The following GNL3 variants were observed in gnomAD, a reference collection of about 807,000 sequenced individuals.
GNL3 encodes guanine nucleotide-binding protein-like 3.
In GNL3, 77 loss-of-function variants were observed where a neutral mutation model predicts 70.6. The ratio of observed to expected loss-of-function variants is 1.09; its 90% CI spans 0.91 to 1.32. The LOEUF (loss-of-function observed/expected upper bound fraction) is 1.32. Ranked by LOEUF, GNL3 falls within the 40% of genes most tolerant of loss-of-function variation. GNL3 has a pLI of 0.00. For missense variants in GNL3, 634 were observed against 644.0 expected (o/e 0.98, Z 0.17); for synonymous variants, 252 against 216.1 (o/e 1.17, Z -1.46).
chr3:52,691,021 T>G lies in GNL3; in HGVS notation c.731T>G (p.Leu244Arg). 6.2e-7 allele frequency: 1 copy of G among 1,613,842 alleles called. No homozygotes were observed. Among genetic ancestry groups the G allele is most frequent in the South Asian group, 1.1e-5 (1 of 91,064 alleles). Residue 244 changes from leucine to arginine, a missense_variant, in exon 8 of 15, where the codon CTT (leucine) becomes CGT (arginine). Transcript: ENST00000418458. ...CFGKEGLWKL[L>R]GGFQETCSKA... ...GGGAAAGAGGGCCTTTGGAAACTTC[T>G]TGGAGGTTTTCAGGAAACTTGCAGC...
At chr3:52,688,317 A>G (rs887931240) in intron 5 of GNL3, 125 bp downstream of exon 5, 5 of 634,566 alleles carry the variant, frequency 7.9e-6, no homozygotes, top group Non-Finnish European at 1.4e-5. Context: ...AACTTGCGTC[A>G]TAGGGGTTTG....
chr3:52,686,801 C>T lies in GNL3; in HGVS notation c.46C>T (p.His16Tyr), dbSNP rs2097314865. 3.7e-6 allele frequency: 6 copies of T among 1,612,596 alleles called. No homozygotes were observed. The highest frequency in any genetic ancestry group is 5.1e-6 in the Non-Finnish European group (6 of 1,178,648). ...GAAAGCAAGTAAACGCATGACCTGCCATAAGCGGTATAAAATCCAAAAAAA... is the reference window on the plus strand; with the variant it reads ...GAAAGCAAGTAAACGCATGACCTGCTATAAGCGGTATAAAATCCAAAAAAA... ...LKKASKRMTC[H>Y]KRYKIQKKVR... The change falls in exon 2 of 15, where the codon CAT (histidine) becomes TAT (tyrosine). Residue 16 changes from histidine (H) to tyrosine (Y), a missense_variant. His to Tyr is a moderately conservative substitution (Grantham distance 83). Coordinates refer to ENST00000418458, the MANE Select transcript of GNL3 (RefSeq NM_014366.5).
Position 52,693,953 on chromosome 3 carries a change from G to A in GNL3, c.1501-84G>A, listed in dbSNP as rs2097330033. 16 of 1,340,762 alleles carry A rather than the reference G, an allele frequency of 1.2e-5. No individual in the cohort carries two copies. In the Admixed American group the frequency reaches 1.2e-4, roughly 10 times the overall value. 83.1% of individuals were successfully genotyped at this position (1,340,762 alleles called of 1,614,324 possible). ...ATCCCGTTATATGTACCTCCAAAGA[G>A]TTAATTTTTCAGGTACATAACTACT... On this transcript the variant is annotated intron_variant, in intron 13 of 14. Transcript: ENST00000418458.
intron 5 of GNL3, chr3:52,688,871 A>G (rs1487837079): frequency 3.4e-6 from 2 of 590,548 alleles, no homozygotes; most frequent in East Asian, 5.7e-5. Flanking sequence ...GAGCAAGCCT[A>G]TGTTTTACTT....
chr3:52,689,440 T>C (rs1235166954), intron 6 of GNL3: 3 of 583,708 alleles, frequency 5.1e-6, no homozygotes, highest in African/African-American at 1.8e-5. Context: ...AAATAAAGAG[T>C]GTAAGCTGCT....
At chr3:52,686,474 A>C in intron 1 of GNL3, 1 of 568,652 alleles carries the variant, frequency 1.8e-6, no homozygotes. Context: ...CTCCTGCCTT[A>C]TGATTCGTGC....
rs765780798 is a variant in GNL3, at chr3:52,693,015, G to C, written c.1013G>C (p.Ser338Thr). The C allele has an allele frequency of 1.7e-5, 27 of 1,614,082 alleles. No homozygotes were observed. The highest frequency in any genetic ancestry group is 2.1e-5 in the Non-Finnish European group (25 of 1,180,036). Residue 338 changes from serine (S) to threonine (T), a missense_variant, in exon 10 of 15, where the codon AGT becomes ACT. Coordinates refer to ENST00000418458, the MANE Select transcript of GNL3 (RefSeq NM_014366.5). ...GTAGTAAAACCGATGGAGGCTGCCA[G>C]TGCCATCCTTTCCCAGGCTGATGCT... ...IEVVKPMEAASAILSQADARQ... is the reference protein window; with the variant it reads ...IEVVKPMEAATAILSQADARQ...
chr3:52,690,997 G>C lies in GNL3; in HGVS notation c.707G>C (p.Gly236Ala), dbSNP rs143274509. 3.7e-6 allele frequency: 6 copies of C among 1,613,640 alleles called. No individual in the cohort carries two copies. The African/African-American group carries it at 6.7e-5, about 18-fold the overall frequency. Residue 236 changes from glycine to alanine, a missense_variant, in exon 8 of 15, where the codon GGG becomes GCG. Physicochemically the swap from Gly to Ala is moderately conservative, Grantham distance 60. Transcript: ENST00000418458. ...AAPFRSEVCF[G>A]KEGLWKLLGG... Reference sequence around the variant, plus strand: ...CCATTCAGAAGTGAAGTCTGCTTTGGGAAAGAGGGCCTTTGGAAACTTCTT... The same window carrying C: ...CCATTCAGAAGTGAAGTCTGCTTTGCGAAAGAGGGCCTTTGGAAACTTCTT...
At position 52,690,690 on chromosome 3, in the gene GNL3, G is replaced by C; in HGVS notation, c.640G>C (p.Gly214Arg). The C allele has an allele frequency of 6.3e-7, 1 of 1,578,800 alleles. No individual in the cohort carries two copies. The highest frequency in any genetic ancestry group is 8.7e-7 in the Non-Finnish European group (1 of 1,147,950). Residue 214 changes from glycine to arginine, a missense_variant, in exon 7 of 15, where the codon GGG (glycine) becomes CGG (arginine). Transcript: ENST00000418458. ...FRASTKPKDK[G>R]KITKRVKAKK... is the part of the protein sequence containing the mutation. ...AGCCTCAACAAAACCAAAGGATAAA[G>C]GGAAGATAACCAAGGTATCCTTTAT... is the stretch of plus-strand genomic sequence containing the variant.
In GNL3 at chr3:52,687,518, A is replaced by G; in HGVS notation, c.227A>G (p.Gln76Arg). The change falls in exon 4 of 15, where the codon CAG (glutamine) becomes CGG (arginine). Residue 76 changes from glutamine (Q) to arginine (R), a missense_variant. Physicochemically the swap from Gln to Arg is conservative, Grantham distance 43. Transcript: ENST00000418458. ...LRKQRLEELK[Q>R]QQKLDRQKEL... is the part of the protein sequence containing the mutation. Reference sequence around the variant, plus strand: ...CTCTGACAGCTTGAAGAACTAAAACAGCAGCAGAAACTTGACAGGCAGAAG... The same window carrying G: ...CTCTGACAGCTTGAAGAACTAAAACGGCAGCAGAAACTTGACAGGCAGAAG... The G allele has an allele frequency of 2.5e-6, 4 of 1,613,260 alleles. No homozygotes were observed. Among genetic ancestry groups the G allele is most frequent in the Non-Finnish European group, 3.4e-6 (4 of 1,179,194 alleles).
chr3:52,691,476 C>T, intron 8 of GNL3, 66 bp from the exon 9 acceptor site: 3 of 904,298 alleles, frequency 3.3e-6, no homozygotes, highest in Non-Finnish European at 5.5e-6. Flanking sequence ...GAAAATTAGG[C>T]AGTGAAAATT....
Position 52,693,097 on chromosome 3 carries a change from A to C in GNL3, c.1044+51A>C, listed in dbSNP as rs748334949. On this transcript the variant is annotated intron_variant, in intron 10 of 14. Coordinates refer to ENST00000418458, the MANE Select transcript of GNL3 (RefSeq NM_014366.5). The stretch of plus-strand genomic sequence containing the variant: ...CCTTGGAGCCATCTTCTTTCATCAT[A>C]AGCATTTTGAGTAGAAAAATCTTGG... 3.1e-6 allele frequency: 5 copies of C among 1,602,558 alleles called. No individual in the cohort carries two copies. In the African/African-American group the frequency reaches 5.4e-5, roughly 17 times the overall value.
At chr3:52,688,024 G>A in intron 4 of GNL3, 85 bp from the exon 5 acceptor site, 2 of 787,776 alleles carry the variant, frequency 2.5e-6, no homozygotes, top group Non-Finnish European at 2.3e-6. Context: ...AACTGCAAGG[G>A]CTGCTACTCA....
rs762257924 is a variant in GNL3, at chr3:52,689,219, G to A, written c.541+13G>A. Reference sequence around the variant, plus strand: ...TTAAATAAATCAGGTGAGTAAAGAGGGTACCCTTTGTCTTCTGTGTACATG... The same window carrying A: ...TTAAATAAATCAGGTGAGTAAAGAGAGTACCCTTTGTCTTCTGTGTACATG... On this transcript the variant is annotated intron_variant, in intron 6 of 14. Coordinates refer to ENST00000418458, the MANE Select transcript of GNL3 (RefSeq NM_014366.5). 4.3e-6 allele frequency: 7 copies of A among 1,610,192 alleles called. No homozygotes were observed. The highest frequency in any genetic ancestry group is 1.6e-4 in the Middle Eastern group (1 of 6,076).
chr3:52,694,112 G>C lies in GNL3; in HGVS notation c.1567+9G>C, dbSNP rs1281433088. On this transcript the variant is annotated intron_variant, in intron 14 of 14. Transcript: ENST00000418458. ...TGAGGAGACTACAGCAGGTGAGGCA[G>C]GCAAAAGGGGTTCTAACGAAGCAGC... 6.2e-7 allele frequency: 1 copy of C among 1,608,088 alleles called. No individual in the cohort carries two copies. The highest frequency in any genetic ancestry group is 1.3e-5 in the African/African-American group (1 of 74,818).
rs9814833 is a variant in GNL3 at position 52,690,465 on chromosome 3, G to A, written c.542-127G>A. ...TTTTTAGTAGAGACGGGGTTTTATCGTGTTAGCCAGGATGGTCTTGATCTC... is the reference window on the plus strand; with the variant it reads ...TTTTTAGTAGAGACGGGGTTTTATCATGTTAGCCAGGATGGTCTTGATCTC... On this transcript the variant is annotated intron_variant, in intron 6 of 14. Coordinates refer to ENST00000418458, the MANE Select transcript of GNL3 (RefSeq NM_014366.5). 453 of 606,090 alleles carry A rather than the reference G, an allele frequency of 7.5e-4. 2 individuals are homozygous for A. Among genetic ancestry groups the A allele is most frequent in the Middle Eastern group, 1.4e-3 (4 of 2,780 alleles). 37.5% of individuals were successfully genotyped at this position (606,090 alleles called of 1,614,324 possible).
chr3:52,691,351 A>AT (rs2097327051), intron 8 of GNL3, 191 bp from the exon 9 acceptor site: 1 of 615,638 alleles, frequency 1.6e-6, no homozygotes, highest in Non-Finnish European at 2.9e-6. Context: ...AATTTATAGT[A>AT]TTTTCCTGCC....
rs753530513 is a variant in GNL3 at position 52,687,301 on chromosome 3, A to T, written c.128A>T (p.Lys43Met). ...RKEAKKRGHK[K>M]PRKDPGVPNS... Reference sequence around the variant, plus strand: ...GAGGCTAAAAAGCGGGGTCACAAGAAGCCTAGGAAAGACCCAGGAGTTCCA... The same window carrying T: ...GAGGCTAAAAAGCGGGGTCACAAGATGCCTAGGAAAGACCCAGGAGTTCCA... Residue 43 changes from lysine to methionine, a missense_variant, in exon 3 of 15, where the codon AAG becomes ATG. By Grantham distance (95) the Lys-to-Met change is moderately conservative (BLOSUM62 -1). Transcript: ENST00000418458. The T allele has an allele frequency of 3.1e-6, 5 of 1,612,430 alleles. No homozygotes were observed. The highest frequency in any genetic ancestry group is 4.2e-6 in the Non-Finnish European group (5 of 1,178,390).
rs764846077 is a variant in GNL3 at position 52,693,025 on chromosome 3, T to C, written c.1023T>C (p.Leu341=). ...CGATGGAGGCTGCCAGTGCCATCCTTTCCCAGGCTGATGCTCGACAGGTAA... is the reference window on the plus strand; with the variant it reads ...CGATGGAGGCTGCCAGTGCCATCCTCTCCCAGGCTGATGCTCGACAGGTAA... ...VKPMEAASAI[L]SQADARQVVL... The change falls in exon 10 of 15, where the codon CTT becomes CTC. Residue 341 remains leucine (L), a synonymous_variant. Coordinates refer to ENST00000418458, the MANE Select transcript of GNL3 (RefSeq NM_014366.5). 1 of 1,614,188 alleles carries C rather than the reference T, an allele frequency of 6.2e-7. No individual in the cohort carries two copies. Among genetic ancestry groups the C allele is most frequent in the East Asian group, 2.2e-5 (1 of 44,892 alleles).
Sources: allele counts gnomAD v4.1 joint callset, GRCh38; gene constraint gnomAD v4.1.1; transcripts MANE v1.5; gene names NCBI Gene and HGNC (gene_info 2026-07-23, HGNC 2026-07-21).